MICU2: variants seen among roughly 807,000 people sequenced by gnomAD.
The protein encoded by MICU2 is mitochondrial calcium uptake 2.
A neutral mutation model predicts 60.4 loss-of-function variants in MICU2; 64 were observed. That is an observed-to-expected ratio of 1.06 (90% CI 0.87 to 1.31). MICU2 has a LOEUF of 1.31. Among genes scored for constraint, MICU2 ranks in the 50% most tolerant of loss-of-function variants. The pLI is 0.00. For synonymous variants in MICU2, 201 were observed against 175.0 expected (o/e 1.15, Z -1.17); for missense variants, 569 against 531.0 (o/e 1.07, Z -0.70).
chr13:21,553,502 C>G (rs559960033), intron 2 of MICU2, among the ~76,000 whole-genome samples: 2 of 152,102 alleles, frequency 1.3e-5, no homozygotes, highest in African/African-American at 4.8e-5. Flanking sequence ...GCATCCCCAC[C>G]AGGCCTGCCC....
chr13:21,594,166 A>G (rs1888644128), intron 1 of MICU2, among the ~76,000 whole-genome samples: 1 of 152,210 alleles, frequency 6.6e-6, no homozygotes, highest in Non-Finnish European at 1.5e-5. Flanking sequence ...ATTTACAAGA[A>G]ACTTAAACAT....
rs1209735238 is a variant in MICU2 at position 21,492,799 on chromosome 13, T to G, written c.*450A>C. On this transcript the variant is annotated 3_prime_UTR_variant, in exon 12 of 12. Transcript: ENST00000382374. ...TAAGCTACTGACATAAAATATGCAATAAATTTATGAGATATAAGGTACAGA... is the reference window on the plus strand; with the variant it reads ...TAAGCTACTGACATAAAATATGCAAGAAATTTATGAGATATAAGGTACAGA... 1 of 152,462 alleles carries G rather than the reference T, an allele frequency of 6.6e-6. No homozygotes were observed. The highest frequency in any genetic ancestry group is 1.5e-5 in the Non-Finnish European group (1 of 68,124). The allele number at this position is 152,462 out of a possible 1,614,324, so 9.4% of individuals were successfully genotyped here.
chr13:21,502,919 T>C lies in MICU2; in HGVS notation c.933+7A>G, dbSNP rs1450418417. The C allele has an allele frequency of 3.1e-6, 5 of 1,604,598 alleles. No homozygotes were observed. The African/African-American group carries it at 4.0e-5, about 13-fold the overall frequency. The stretch of plus-strand genomic sequence containing the variant: ...TTATCACATGCATAATAAAAGGGTA[T>C]ACCAACCTCTCCTGCTGACAACTTC... On this transcript the variant is annotated splice_region_variant and intron_variant, in intron 9 of 11. Transcript: ENST00000382374.
chr13:21,574,272 A>G (rs1036355796), intron 1 of MICU2, among the ~76,000 whole-genome samples: 1 of 152,208 alleles, frequency 6.6e-6, no homozygotes, highest in Non-Finnish European at 1.5e-5. Flanking sequence ...ACCTGCATCT[A>G]CTACTAAATA....
At chr13:21,555,338 C>T (rs992719116) in intron 2 of MICU2, among the ~76,000 whole-genome samples, 2 of 152,198 alleles carry the variant, frequency 1.3e-5, no homozygotes, top group Non-Finnish European at 2.9e-5. Context: ...AAGTGGGCTT[C>T]ATCCCTGGGA....
chr13:21,601,113 T>C lies in MICU2; in HGVS notation c.210+2826A>G, dbSNP rs190805824. Among the ~76,000 whole-genome samples, 320 of 152,182 alleles carry C rather than the reference T, an allele frequency of 2.1e-3. 1 individual carries two copies. Among genetic ancestry groups the C allele is most frequent in the African/African-American group, 7.5e-3 (310 of 41,550 alleles). ...GCCCGGCCGGACATATTCACTATTA[T>C]TATAGGGCCGCGTCAGGAAGAGTTT... is the stretch of plus-strand genomic sequence containing the variant. On this transcript the variant is annotated intron_variant, in intron 1 of 11. Coordinates refer to ENST00000382374, the MANE Select transcript of MICU2 (RefSeq NM_152726.3).
Position 21,603,937 on chromosome 13 carries a change from A to G in MICU2, c.210+2T>C. 1.9e-6 allele frequency: 3 copies of G among 1,612,244 alleles called. No individual in the cohort carries two copies. Among genetic ancestry groups the G allele is most frequent in the Non-Finnish European group, 2.5e-6 (3 of 1,179,464 alleles). ...GGCTAGCAGAAGGAGTTAGTCCTGT[A>G]CCTGTGCGGAGACTGTAAAACTGCC... is the stretch of plus-strand genomic sequence containing the variant. On this transcript the variant is annotated splice_donor_variant, in intron 1 of 11. Transcript: ENST00000382374. LOFTEE classifies it high-confidence loss of function.
intron 8 of MICU2, among the ~76,000 whole-genome samples, chr13:21,508,293 T>A (rs1886343253): frequency 6.6e-6 from 1 of 151,680 alleles, no homozygotes; most frequent in Non-Finnish European, 1.5e-5. Context: ...GCCTGGCTAA[T>A]TTTTTGTATT....
At chr13:21,504,845 T>C (rs1195169262) in intron 8 of MICU2, among the ~76,000 whole-genome samples, 2 of 152,192 alleles carry the variant, frequency 1.3e-5, no homozygotes, top group East Asian at 1.9e-4. Flanking sequence ...TATTTATTTA[T>C]ACTACTAATT....
intron 2 of MICU2, among the ~76,000 whole-genome samples, 169 bp from the exon 3 acceptor site, chr13:21,539,857 A>T (rs1046844161): frequency 3.9e-5 from 6 of 152,216 alleles, no homozygotes; most frequent in African/African-American, 1.4e-4. Context: ...TGAGTCAGAG[A>T]ATTCTAAGAC....
intron 1 of MICU2, among the ~76,000 whole-genome samples, chr13:21,571,995 G>A (rs1215477069): frequency 6.6e-6 from 1 of 152,198 alleles, no homozygotes; most frequent in South Asian, 2.1e-4. Flanking sequence ...GAGCCTATAT[G>A]GAAATTTGGA....
chr13:21,512,056 C>T (rs570846882), intron 7 of MICU2, among the ~76,000 whole-genome samples: 3 of 152,180 alleles, frequency 2.0e-5, no homozygotes, highest in East Asian at 3.8e-4. Flanking sequence ...TCACTATTTT[C>T]CAGAGTGGTG....
In MICU2 at chr13:21,520,255, C is replaced by T. The variant is rs1886683848; in HGVS notation, c.597+990G>A. Among the ~76,000 whole-genome samples, 4 of 152,138 alleles carry T rather than the reference C, an allele frequency of 2.6e-5. 1 individual carries two copies. The highest frequency in any genetic ancestry group is 2.6e-4 in the Admixed American group (4 of 15,276). On this transcript the variant is annotated intron_variant, in intron 6 of 11. Transcript: ENST00000382374. ...GTTTTGGCTATCATGAATAAAACAA[C>T]TATGCATATTAATATACAGGTCTTG...
intron 4 of MICU2, among the ~76,000 whole-genome samples, chr13:21,534,260 T>C (rs1017405899): frequency 1.3e-5 from 2 of 151,878 alleles, no homozygotes; most frequent in African/African-American, 4.8e-5. Context: ...GGCTGGAGTA[T>C]AGCGGTACAA....
chr13:21,590,677 AC>A (rs1482211344), intron 1 of MICU2, among the ~76,000 whole-genome samples: 1 of 151,940 alleles, frequency 6.6e-6, no homozygotes, highest in Non-Finnish European at 1.5e-5. Flanking sequence ...ACATGGTGAA[AC>A]CCCCGTTTCT....
chr13:21,549,750 C>A (rs1887506334), intron 2 of MICU2, among the ~76,000 whole-genome samples: 1 of 152,194 alleles, frequency 6.6e-6, no homozygotes, highest in African/African-American at 2.4e-5. Context: ...CTTCCCAGTT[C>A]AGCAACTGTG....
intron 1 of MICU2, among the ~76,000 whole-genome samples, chr13:21,596,612 TG>T (rs2138075694): frequency 6.6e-6 from 1 of 152,150 alleles, no homozygotes; most frequent in East Asian, 1.9e-4. Context: ...TTGGTAAAGA[TG>T]GGGTTTCACC....
chr13:21,521,785 T>C (rs896871582), intron 5 of MICU2, among the ~76,000 whole-genome samples: 2 of 152,218 alleles, frequency 1.3e-5, no homozygotes, highest in African/African-American at 2.4e-5. Flanking sequence ...CTCTAATTTT[T>C]CTTTTCTTCC....
At chr13:21,556,652 G>A (rs549988954) in intron 2 of MICU2, among the ~76,000 whole-genome samples, 1 of 152,270 alleles carries the variant, frequency 6.6e-6, no homozygotes, top group Non-Finnish European at 1.5e-5. Flanking sequence ...CAGGGCAAGA[G>A]CACTACTTCC....
Sources: allele counts gnomAD v4.1 joint callset (sites outside exome capture counted in the v4.1 genomes callset), GRCh38; gene constraint gnomAD v4.1.1; transcripts MANE v1.5; gene names NCBI Gene and HGNC (gene_info 2026-07-23, HGNC 2026-07-21).